Variants in AMD1 observed in about 807,000 individuals in gnomAD.
AMD1 encodes the protein adenosylmethionine decarboxylase 1, also known as S-adenosylmethionine decarboxylase proenzyme.
A neutral mutation model predicts 40.2 loss-of-function variants in AMD1; 11 were observed. The ratio of observed to expected loss-of-function variants is 0.27; its 90% CI spans 0.17 to 0.45. The LOEUF is 0.45. Ranked by LOEUF, AMD1 falls within the 20% of genes least tolerant of loss-of-function variation. AMD1 has a pLI of 1.00. For synonymous variants in AMD1, 121 were observed against 130.8 expected (o/e 0.93, Z 0.51); for missense variants, 257 against 410.2 (o/e 0.63, Z 3.23).
chr6:110,825,490 A>G, the AMD1 span, among the ~76,000 whole-genome samples: 24 of 152,118 alleles, frequency 1.6e-4, no homozygotes, highest in Non-Finnish European at 2.8e-4. Context: ...ATTGATAGTC[A>G]TTTTTACCCC....
the AMD1 span, among the ~76,000 whole-genome samples, chr6:110,820,867 C>T: frequency 6.6e-6 from 1 of 152,040 alleles, no homozygotes; most frequent in African/African-American, 2.4e-5. Context: ...CGTGCCACAG[C>T]AAGATCGTGC....
At chr6:110,826,943 C>T in the AMD1 span, among the ~76,000 whole-genome samples, 2 of 152,104 alleles carry the variant, frequency 1.3e-5, no homozygotes, top group Admixed American at 1.3e-4. Context: ...CCACCTGACT[C>T]GGCCTCCCAG....
intron 1 of AMD1, among the ~76,000 whole-genome samples, chr6:110,883,964 G>C (rs949783080): frequency 2.0e-5 from 3 of 152,148 alleles, no homozygotes; most frequent in South Asian, 2.1e-4. Flanking sequence ...GGCATTGTCA[G>C]AGAGATTATG....
At chr6:110,834,689 T>G in the AMD1 span, among the ~76,000 whole-genome samples, 7 of 151,972 alleles carry the variant, frequency 4.6e-5, no homozygotes, top group African/African-American at 1.7e-4. Context: ...CCAGGCACTG[T>G]GGCTCACGTC....
chr6:110,848,423 G>A, the AMD1 span: 2 of 172,060 alleles, frequency 1.2e-5, no homozygotes, highest in South Asian at 2.0e-4. Context: ...TCGGAAGGCT[G>A]AGGCAGGAGA....
At chr6:110,849,615 A>G in the AMD1 span, among the ~76,000 whole-genome samples, 45 of 152,324 alleles carry the variant, frequency 3.0e-4, no homozygotes, top group Middle Eastern at 3.4e-3. Flanking sequence ...TGTTACATTT[A>G]CACAATTTTT....
At chr6:110,858,643 G>A in the AMD1 span, 1 of 1,302,818 alleles carries the variant, frequency 7.7e-7, no homozygotes, top group Non-Finnish European at 1.1e-6. Context: ...GGACTAAGGG[G>A]CTGCAGAGCG....
the AMD1 span, among the ~76,000 whole-genome samples, chr6:110,822,108 C>T: frequency 1.6e-4 from 24 of 152,158 alleles, no homozygotes; most frequent in African/African-American, 5.5e-4. Context: ...CACAGTGGCT[C>T]ACTCCTGTAA....
At chr6:110,854,455 C>CT in the AMD1 span, among the ~76,000 whole-genome samples, 55 of 147,104 alleles carry the variant, frequency 3.7e-4, no homozygotes, top group South Asian at 1.3e-3. Context: ...TTCTTTCTTT[C>CT]TTTTTTTTTT....
chr6:110,824,707 G>C, the AMD1 span, among the ~76,000 whole-genome samples: 1 of 151,956 alleles, frequency 6.6e-6, no homozygotes, highest in Admixed American at 6.6e-5. Flanking sequence ...ATTTTATAAA[G>C]AGCATAAAGT....
chr6:110,890,876 C>T (rs1237199521), intron 4 of AMD1: 1 of 152,100 alleles, frequency 6.6e-6, no homozygotes, highest in East Asian at 1.9e-4. Context: ...TTATAAAGAA[C>T]ATTAAAATAT....
chr6:110,865,046 AGT>A, the AMD1 span, among the ~76,000 whole-genome samples: 1 of 152,234 alleles, frequency 6.6e-6, no homozygotes, highest in Non-Finnish European at 1.5e-5. Flanking sequence ...CAGCTGTTGA[AGT>A]AGGAGAAAGA....
rs55804656 is a variant in AMD1, at chr6:110,890,165, T to C, written c.325-89T>C. The stretch of plus-strand genomic sequence containing the variant: ...TTTTGATTTTGCCGAGTTTTTGATA[T>C]GTGGACAATAGTTGATTAGCTTCGA... On this transcript the variant is annotated intron_variant, in intron 3 of 8. Coordinates refer to ENST00000368885, the MANE Select transcript of AMD1 (RefSeq NM_001634.6). 2.1e-5 allele frequency: 20 copies of C among 975,236 alleles called. No individual in the cohort carries two copies. The South Asian group carries it at 2.8e-4, about 13-fold the overall frequency. The allele number at this position is 975,236 out of a possible 1,614,324, so 60.4% of individuals were successfully genotyped here.
chr6:110,880,849 T>G (rs531878777), intron 1 of AMD1, among the ~76,000 whole-genome samples: 1 of 152,128 alleles, frequency 6.6e-6, no homozygotes, highest in Non-Finnish European at 1.5e-5. Context: ...ATTTTGGTAT[T>G]TTTACTAGAG....
At chr6:110,879,496 C>CAT (rs2115278546) in intron 1 of AMD1, among the ~76,000 whole-genome samples, 1 of 152,290 alleles carries the variant, frequency 6.6e-6, no homozygotes, top group South Asian at 2.1e-4. Context: ...ATAATAGGTT[C>CAT]ATATCTTTGA....
In AMD1 at chr6:110,893,474, A is replaced by C. The variant is rs1173470473; in HGVS notation, c.865-2A>C. The C allele has an allele frequency of 6.2e-7, 1 of 1,612,680 alleles. No individual in the cohort carries two copies. The highest frequency in any genetic ancestry group is 8.5e-7 in the Non-Finnish European group (1 of 1,179,534). ...TAACGGTTATTTAATTTTTTCCCCC[A>C]GAGTTCTAAATGTCGCACAGTGCTT... On this transcript the variant is annotated splice_acceptor_variant, in intron 8 of 8. Transcript: ENST00000368885. LOFTEE classifies it high-confidence loss of function.
chr6:110,819,833 C>T, the AMD1 span, among the ~76,000 whole-genome samples: 2 of 152,318 alleles, frequency 1.3e-5, no homozygotes, highest in East Asian at 3.9e-4. Flanking sequence ...AGAAGCTAGA[C>T]AAAACCCACC....
At chr6:110,836,612 A>G in the AMD1 span, among the ~76,000 whole-genome samples, 1 of 150,452 alleles carries the variant, frequency 6.6e-6, no homozygotes, top group Non-Finnish European at 1.5e-5. Context: ...TTTTCTTTCT[A>G]AAATCTTAAT....
chr6:110,867,015 G>T, the AMD1 span, among the ~76,000 whole-genome samples: 2 of 151,738 alleles, frequency 1.3e-5, no homozygotes, highest in Non-Finnish European at 2.9e-5. Context: ...GGGTTTCACC[G>T]TGTTAGCCAG....
Sources: allele counts gnomAD v4.1 joint callset (sites outside exome capture counted in the v4.1 genomes callset), GRCh38; gene constraint gnomAD v4.1.1; transcripts MANE v1.5; gene names NCBI Gene and HGNC (gene_info 2026-07-23, HGNC 2026-07-21).